The following NUP37 variants were observed in gnomAD, a reference collection of about 807,000 sequenced individuals.
The protein encoded by NUP37 is nucleoporin 37.
A neutral mutation model predicts 45.4 loss-of-function variants in NUP37; 33 were observed. The ratio of observed to expected loss-of-function variants is 0.73; its 90% CI spans 0.55 to 0.97. The LOEUF (loss-of-function observed/expected upper bound fraction) is 0.97. Among genes scored for constraint, NUP37 ranks in the 50% least tolerant of loss-of-function variants. The pLI, the probability that NUP37 is intolerant of heterozygous loss-of-function variation, is 0.00. For synonymous variants in NUP37, 127 were observed against 130.7 expected (o/e 0.97, Z 0.19); for missense variants, 365 against 389.7 (o/e 0.94, Z 0.53).
At position 102,086,819 on chromosome 12, in the gene NUP37, C is replaced by G. The variant is rs546498611; in HGVS notation, c.450-963G>C. 2.6e-5 allele frequency among the ~76,000 whole-genome samples: 4 copies of G among 152,308 alleles called. No individual in the cohort carries two copies. The South Asian group carries it at 8.3e-4, about 32-fold the overall frequency. ...CTGAACTTGACTGGGTGCCATGGCT[C>G]ATGCCTGTAATCCCAGCACTTTGGG... On this transcript the variant is annotated intron_variant, in intron 5 of 9. Coordinates refer to ENST00000552283, the MANE Select transcript of NUP37 (RefSeq NM_024057.4).
chr12:102,081,576 C>T (rs1252790943), intron 6 of NUP37, among the ~76,000 whole-genome samples: 1 of 152,238 alleles, frequency 6.6e-6, no homozygotes, highest in Admixed American at 6.5e-5. Context: ...GTTTTCTCAT[C>T]TACAAAATAC....
At chr12:102,110,180 T>C (rs540958494) in intron 3 of NUP37, among the ~76,000 whole-genome samples, 176 of 152,216 alleles carry the variant, frequency 1.2e-3, no homozygotes, top group African/African-American at 3.9e-3. Context: ...GGAAATGTCA[T>C]TGTGGCATCA....
intron 7 of NUP37, 114 bp downstream of exon 7, chr12:102,077,208 C>T: frequency 4.6e-6 from 5 of 1,091,076 alleles, no homozygotes; most frequent in Non-Finnish European, 6.9e-6. Context: ...ATAGGAAAGA[C>T]TTGCTTTCGC....
chr12:102,076,708 T>G, intron 8 of NUP37, 89 bp downstream of exon 8: 2 of 1,046,536 alleles, frequency 1.9e-6, no homozygotes, highest in Non-Finnish European at 2.8e-6. Flanking sequence ...AAAAATCCAG[T>G]GCAAAGAAGA....
intron 5 of NUP37, among the ~76,000 whole-genome samples, chr12:102,093,450 G>T (rs749791950): frequency 3.9e-5 from 6 of 152,020 alleles, no homozygotes; most frequent in Non-Finnish European, 8.8e-5. Context: ...GAAATTGTGA[G>T]AAATTTTGTC....
At chr12:102,115,087 A>G (rs1880425947) in intron 2 of NUP37, among the ~76,000 whole-genome samples, 1 of 152,234 alleles carries the variant, frequency 6.6e-6, no homozygotes, top group Admixed American at 6.5e-5. Context: ...AAATAACATA[A>G]AATCCATTTA....
rs1228897513 is a variant in NUP37 at position 102,112,169 on chromosome 12, T to C, written c.220A>G (p.Arg74Gly). 1 of 1,613,748 alleles carries C rather than the reference T, an allele frequency of 6.2e-7. No individual in the cohort carries two copies. The highest frequency in any genetic ancestry group is 1.3e-5 in the African/African-American group (1 of 74,936). ...GGGCTCCAAGCTATGCCATCAACCC[T>C]GACTCCATGGTGAAATGTTCGAAGT... ...KTLRTFHHGVRVDGIAWSPET... is the reference protein window; with the variant it reads ...KTLRTFHHGVGVDGIAWSPET... The change falls in exon 3 of 10, where the codon AGG becomes GGG. Residue 74 changes from arginine (R) to glycine (G), a missense_variant. By Grantham distance (125) the Arg-to-Gly change is moderately radical. Transcript: ENST00000552283.
chr12:102,077,278 T>C, intron 7 of NUP37, 44 bp downstream of exon 7: 2 of 1,591,170 alleles, frequency 1.3e-6, no homozygotes, highest in Non-Finnish European at 8.6e-7. Context: ...CAACAGTTAC[T>C]GCCTTTTTTT....
Position 102,090,230 on chromosome 12 carries a change from T to C in NUP37, c.450-4374A>G, listed in dbSNP as rs551816135. Among the ~76,000 whole-genome samples, 19 of 152,144 alleles carry C rather than the reference T, an allele frequency of 1.2e-4. No individual in the cohort carries two copies. The South Asian group carries it at 3.7e-3, about 30-fold the overall frequency. On this transcript the variant is annotated intron_variant, in intron 5 of 9. Coordinates refer to ENST00000552283, the MANE Select transcript of NUP37 (RefSeq NM_024057.4). ...GCTCTTATTTTGTAAGGTACATTTC[T>C]CAACTCTTTTTTTTTTTGCGTTTTA...
chr12:102,073,581 A>G lies in NUP37; in HGVS notation c.*773T>C, dbSNP rs965193986. On this transcript the variant is annotated 3_prime_UTR_variant, in exon 10 of 10. Transcript: ENST00000552283. The stretch of plus-strand genomic sequence containing the variant: ...ACAGGGTTGAGCAATATAATCAATC[A>G]CATATTTAAGAAACTGAAAACAATT... 1 of 152,264 alleles carries G rather than the reference A, an allele frequency of 6.6e-6. No individual in the cohort carries two copies. Among genetic ancestry groups the G allele is most frequent in the Non-Finnish European group, 1.5e-5 (1 of 68,052 alleles). The allele number at this position is 152,264 out of a possible 1,614,324, so 9.4% of individuals were successfully genotyped here.
At chr12:102,102,130 AAAAC>A (rs1879988471) in intron 3 of NUP37, among the ~76,000 whole-genome samples, 2 of 152,220 alleles carry the variant, frequency 1.3e-5, no homozygotes, top group Non-Finnish European at 2.9e-5. Context: ...TATATACTGA[AAAAC>A]AAAGTTTATT....
chr12:102,094,501 G>A (rs921298734), intron 5 of NUP37, among the ~76,000 whole-genome samples: 1 of 151,864 alleles, frequency 6.6e-6, no homozygotes, highest in East Asian at 1.9e-4. Context: ...GATCTCAATT[G>A]GGGTGGGGGT....
intron 3 of NUP37, 70 bp downstream of exon 3, chr12:102,112,038 T>C: frequency 7.0e-7 from 1 of 1,419,256 alleles, no homozygotes; most frequent in South Asian, 1.3e-5. Flanking sequence ...GTATCTATGA[T>C]CAGACTTCCA....
chr12:102,094,154 C>G (rs1879737475), intron 5 of NUP37, among the ~76,000 whole-genome samples: 1 of 152,026 alleles, frequency 6.6e-6, no homozygotes, highest in Admixed American at 6.6e-5. Context: ...ATCACTGGAG[C>G]TAAAGTATTG....
chr12:102,099,552 T>A (rs1051890114), intron 4 of NUP37, among the ~76,000 whole-genome samples: 7 of 152,138 alleles, frequency 4.6e-5, no homozygotes, highest in African/African-American at 1.2e-4. Context: ...GCTAGAAAAC[T>A]TTTTAGGGGT....
At chr12:102,094,814 A>G (rs1314694836) in intron 5 of NUP37, among the ~76,000 whole-genome samples, 1 of 152,070 alleles carries the variant, frequency 6.6e-6, no homozygotes, top group Non-Finnish European at 1.5e-5. Context: ...ACAACTACAA[A>G]TATTTCATGT....
intron 3 of NUP37, among the ~76,000 whole-genome samples, chr12:102,101,382 A>G (rs1879967607): frequency 6.6e-6 from 1 of 152,220 alleles, no homozygotes; most frequent in African/African-American, 2.4e-5. Context: ...AGAATTTTAC[A>G]CTAAATCAGC....
intron 5 of NUP37, among the ~76,000 whole-genome samples, chr12:102,088,639 A>G (rs1276323020): frequency 4.7e-5 from 7 of 148,844 alleles, no homozygotes; most frequent in Admixed American, 4.7e-4. Flanking sequence ...ACTCATCATT[A>G]GGTTTTGTGA....
intron 8 of NUP37, among the ~76,000 whole-genome samples, chr12:102,076,200 C>T (rs773031527): frequency 6.6e-6 from 1 of 152,092 alleles, no homozygotes; most frequent in African/African-American, 2.4e-5. Context: ...TACATTTAGT[C>T]GAATGTATTT....
Sources: gnomAD v4.1 joint callset for allele counts (sites outside exome capture counted in the v4.1 genomes callset) on GRCh38, gnomAD v4.1.1 for gene constraint, MANE v1.5 for transcripts, NCBI Gene and HGNC (gene_info 2026-07-23, HGNC 2026-07-21) for gene names.